NPC1: variants seen among roughly 807,000 people sequenced by gnomAD.
NPC1 encodes the protein NPC intracellular cholesterol transporter 1, also known as Niemann-Pick C1 protein.
In NPC1, 85 loss-of-function variants were observed where a neutral mutation model predicts 140.4. That is an observed-to-expected ratio of 0.61 (90% CI 0.51 to 0.72). The LOEUF is 0.72. Ranked by LOEUF, NPC1 falls within the 30% of genes least tolerant of loss-of-function variation. The pLI is 0.00. For missense variants in NPC1, 1,504 were observed against 1,623.8 expected, an observed-to-expected ratio of 0.93 and a Z score of 1.27; for synonymous variants, 656 against 624.8, an observed-to-expected ratio of 1.05 and a Z score of -0.74.
chr18:23,579,444 G>C lies in NPC1; in HGVS notation c.58-5870C>G, dbSNP rs116399617. 4.7e-3 allele frequency among the ~76,000 whole-genome samples: 715 copies of C among 152,252 alleles called. 5 individuals are homozygous for C. Among genetic ancestry groups the C allele is most frequent in the African/African-American group, 0.016 (664 of 41,532 alleles). On this transcript the variant is annotated intron_variant, in intron 1 of 24. Coordinates refer to ENST00000269228, the MANE Select transcript of NPC1 (RefSeq NM_000271.5). Reference sequence around the variant, plus strand: ...TGCTGATTGTTTTGGCTTCTACCCAGAATTTAGTAGTTACACAGCTAAAGA... The same window carrying C: ...TGCTGATTGTTTTGGCTTCTACCCACAATTTAGTAGTTACACAGCTAAAGA...
intron 20 of NPC1, among the ~76,000 whole-genome samples, chr18:23,538,080 T>C (rs1049207023): frequency 6.6e-6 from 1 of 152,132 alleles, no homozygotes; most frequent in Non-Finnish European, 1.5e-5. Flanking sequence ...AGATAGCCCA[T>C]AACCCTATAC....
chr18:23,543,569 T>C lies in NPC1; in HGVS notation c.2131A>G (p.Arg711Gly), dbSNP rs759292620. ...NIFILVQAYQ[R>G]DERLQGETLD... ...GTTTCCCCTTGAAGACGTTCATCTC[T>C]CTTAAAAAAAAAAAAAAAAAATTAT... The change falls in exon 14 of 25, where the codon AGA (arginine) becomes GGA (glycine). Residue 711 changes from arginine (R) to glycine (G), a missense_variant and splice_region_variant. Transcript: ENST00000269228. 30 of 1,418,798 alleles carry C rather than the reference T, an allele frequency of 2.1e-5. No individual in the cohort carries two copies. The East Asian group carries it at 6.9e-4, about 33-fold the overall frequency. 87.9% of individuals were successfully genotyped at this position (1,418,798 alleles called of 1,614,324 possible).
chr18:23,585,697 C>T (rs1330852461), intron 1 of NPC1, among the ~76,000 whole-genome samples: 1 of 152,166 alleles, frequency 6.6e-6, no homozygotes, highest in Non-Finnish European at 1.5e-5. Context: ...CTGTCGCTGG[C>T]TAATAGTGAC....
intron 1 of NPC1, among the ~76,000 whole-genome samples, chr18:23,586,066 G>C (rs1276180828): frequency 6.6e-6 from 1 of 152,228 alleles, no homozygotes; most frequent in Non-Finnish European, 1.5e-5. Context: ...AACAAGCTCA[G>C]AACAGGTCAC....
intron 1 of NPC1, among the ~76,000 whole-genome samples, chr18:23,580,578 C>T (rs1290364841): frequency 3.3e-5 from 5 of 152,226 alleles, no homozygotes; most frequent in Admixed American, 6.5e-5. Flanking sequence ...GCTGGGAGTG[C>T]AGGGCTTGGC....
At chr18:23,527,870 A>C, downstream of NPC1, 2 of 1,614,162 alleles carry the variant, frequency 1.2e-6, no homozygotes, top group Non-Finnish European at 1.7e-6. Context: ...GAGTATAAAA[A>C]GTACCTGGAT....
intron 3 of NPC1, chr18:23,515,877 C>A: frequency 6.2e-7 from 1 of 1,614,148 alleles, no homozygotes; most frequent in Non-Finnish European, 8.5e-7. Context: ...GAAACGGAGT[C>A]TGAAACTCTT....
intron 8 of NPC1, 113 bp downstream of exon 8, chr18:23,556,130 A>G (rs969867726): frequency 3.0e-5 from 29 of 953,306 alleles, no homozygotes; most frequent in Non-Finnish European, 4.8e-5. Context: ...TAAGATTTTC[A>G]AGATATACCA....
chr18:23,555,848 G>A (rs2058942240), intron 8 of NPC1, among the ~76,000 whole-genome samples: 1 of 152,216 alleles, frequency 6.6e-6, no homozygotes, highest in African/African-American at 2.4e-5. Flanking sequence ...ACAGCAGTAA[G>A]GGCTTCATGC....
At chr18:23,559,575 G>C (rs1322448073) in intron 6 of NPC1, among the ~76,000 whole-genome samples, 1 of 131,032 alleles carries the variant, frequency 7.6e-6, no homozygotes, top group African/African-American at 3.0e-5. Context: ...CTGACCTCAT[G>C]ATTCTCCTGC....
intron 10 of NPC1, among the ~76,000 whole-genome samples, chr18:23,549,736 T>TC (rs1469812703): frequency 6.6e-6 from 1 of 151,698 alleles, no homozygotes; most frequent in African/African-American, 2.4e-5. Context: ...GATCTTTTTT[T>TC]CACAACTTTT....
chr18:23,556,368 G>T lies in NPC1; in HGVS notation c.1201C>A (p.Pro401Thr), dbSNP rs766301620. 11 of 1,614,042 alleles carry T rather than the reference G, an allele frequency of 6.8e-6. No homozygotes were observed. The highest frequency in any genetic ancestry group is 7.6e-6 in the Non-Finnish European group (9 of 1,180,030). Residue 401 changes from proline to threonine, a missense_variant, in exon 8 of 25, where the codon CCT becomes ACT. Pro to Thr is a conservative substitution (Grantham distance 38). Coordinates refer to ENST00000269228, the MANE Select transcript of NPC1 (RefSeq NM_000271.5). ...EKEYFDQHFG[P>T]FFRTEQLIIR... ...ATGAGCTGCTCCGTCCGGAAGAAAG[G>T]CCCAAAGTGCTGGTCAAAGTACTCT...
intron 14 of NPC1, among the ~76,000 whole-genome samples, chr18:23,542,910 C>T (rs1282981796): frequency 6.6e-6 from 1 of 152,206 alleles, no homozygotes; most frequent in Non-Finnish European, 1.5e-5. Flanking sequence ...TGAACCCCAA[C>T]ATCAATGCTG....
intron 24 of NPC1, 160 bp downstream of exon 24, chr18:23,533,195 G>C (rs984666119): frequency 1.2e-6 from 1 of 827,000 alleles, no homozygotes; most frequent in African/African-American, 1.7e-5. Context: ...CCCCTGGATG[G>C]GTTTTTTCTT....
At chr18:23,523,189 A>G (rs1380197378) in intron 1 of NPC1, among the ~76,000 whole-genome samples, 1 of 152,118 alleles carries the variant, frequency 6.6e-6, no homozygotes, top group Non-Finnish European at 1.5e-5. Flanking sequence ...TCTGTTCACA[A>G]TGACCCTTTC....
In NPC1 at chr18:23,532,304, T is replaced by C; in HGVS notation, c.3755-20A>G. 6.2e-7 allele frequency: 1 copy of C among 1,613,968 alleles called. No individual in the cohort carries two copies. The highest frequency in any genetic ancestry group is 1.1e-5 in the South Asian group (1 of 91,076). ...ATGGCCCTATGAGAGAGAGAGACTTTTTCTTATTTCTGCAGGAGAAAGGGA... is the reference window on the plus strand; with the variant it reads ...ATGGCCCTATGAGAGAGAGAGACTTCTTCTTATTTCTGCAGGAGAAAGGGA... On this transcript the variant is annotated intron_variant, in intron 24 of 24. Transcript: ENST00000269228.
intron 10 of NPC1, 145 bp from the exon 11 acceptor site, chr18:23,548,253 T>C: frequency 1.5e-6 from 1 of 686,684 alleles, no homozygotes; most frequent in Non-Finnish European, 2.7e-6. Context: ...AAGAGTTTGC[T>C]GAAATAGTCT....
intron 4 of NPC1, among the ~76,000 whole-genome samples, chr18:23,568,213 C>CA (rs1304605551): frequency 6.6e-6 from 1 of 152,154 alleles, no homozygotes; most frequent in Non-Finnish European, 1.5e-5. Flanking sequence ...TGTTTCTGGA[C>CA]AAAATGACCT....
At chr18:23,551,030 C>T (rs540995714) in intron 10 of NPC1, among the ~76,000 whole-genome samples, 44 of 152,306 alleles carry the variant, frequency 2.9e-4, no homozygotes, top group Middle Eastern at 6.9e-3. Context: ...TTGGGCAAAA[C>T]CTGTTGAGCC....
Sources: gnomAD v4.1 joint callset for allele counts (sites outside exome capture counted in the v4.1 genomes callset) on GRCh38, gnomAD v4.1.1 for gene constraint, MANE v1.5 for transcripts, NCBI Gene and HGNC (gene_info 2026-07-23, HGNC 2026-07-21) for gene names.